The following MYO6 variants were observed in gnomAD, a reference collection of about 807,000 sequenced individuals.
MYO6 encodes the protein unconventional myosin-VI.
MYO6 carries 74 observed loss-of-function variants against 178.7 expected under a neutral mutation model. The ratio of observed to expected loss-of-function variants is 0.41; its 90% CI spans 0.34 to 0.50. The LOEUF (loss-of-function observed/expected upper bound fraction) is 0.50, where lower values mean the gene tolerates loss of function less well. Among genes scored for constraint, MYO6 ranks in the 20% least tolerant of loss-of-function variants. MYO6 has a pLI of 0.09. For missense variants in MYO6, 1,330 were observed against 1,547.4 expected, an observed-to-expected ratio of 0.86 and a Z score of 2.36; for synonymous variants, 477 against 504.6, an observed-to-expected ratio of 0.95 and a Z score of 0.73.
At chr6:75,804,213 T>G (rs1403012482) in intron 1 of MYO6, among the ~76,000 whole-genome samples, 3 of 152,222 alleles carry the variant, frequency 2.0e-5, no homozygotes, top group African/African-American at 7.2e-5. Context: ...ATGATTCAAT[T>G]CCTGAACTTT....
intron 1 of MYO6, among the ~76,000 whole-genome samples, chr6:75,752,661 A>C (rs1242010223): frequency 1.3e-5 from 2 of 152,366 alleles, no homozygotes; most frequent in East Asian, 1.9e-4. Flanking sequence ...ATCCAGGAGT[A>C]GATATGATAG....
At chr6:75,853,108 G>A (rs1485473149) in intron 11 of MYO6, among the ~76,000 whole-genome samples, 3 of 152,122 alleles carry the variant, frequency 2.0e-5, no homozygotes, top group South Asian at 4.1e-4. Context: ...GCATCTTTCT[G>A]TGTGCTTACT....
intron 1 of MYO6, among the ~76,000 whole-genome samples, chr6:75,774,855 C>T (rs1393992347): frequency 1.3e-5 from 2 of 151,802 alleles, no homozygotes; most frequent in African/African-American, 2.4e-5. Flanking sequence ...TGCAATGGCA[C>T]GATCTTGGCT....
intron 20 of MYO6, among the ~76,000 whole-genome samples, chr6:75,875,498 C>G (rs760739210): frequency 6.6e-6 from 1 of 152,224 alleles, no homozygotes; most frequent in South Asian, 2.1e-4. Flanking sequence ...ATGCTGGTCT[C>G]CTGGTCTCAA....
intron 1 of MYO6, among the ~76,000 whole-genome samples, chr6:75,797,158 C>T (rs897788743): frequency 1.3e-5 from 2 of 152,094 alleles, no homozygotes; most frequent in African/African-American, 2.4e-5. Context: ...GGCACAATGT[C>T]GGCTCACTTC....
intron 28 of MYO6, chr6:75,894,805 C>T: frequency 3.3e-6 from 5 of 1,515,556 alleles, no homozygotes; most frequent in Non-Finnish European, 4.4e-6. Flanking sequence ...TTTTAAGTTA[C>T]TTTTCCAGCT....
intron 25 of MYO6, among the ~76,000 whole-genome samples, chr6:75,889,838 T>A (rs1315481016): frequency 6.6e-6 from 1 of 152,244 alleles, no homozygotes; most frequent in Non-Finnish European, 1.5e-5. Flanking sequence ...ACAAACAGTA[T>A]AGTAAAGATA....
chr6:75,801,940 C>CA (rs78453735), intron 1 of MYO6, among the ~76,000 whole-genome samples: 131 of 132,320 alleles, frequency 9.9e-4, no homozygotes, highest in Middle Eastern at 4.2e-3. Context: ...GACTTCATCT[C>CA]AAAAAAAAAA....
intron 5 of MYO6, among the ~76,000 whole-genome samples, chr6:75,832,403 A>G (rs1773191329): frequency 1.3e-5 from 2 of 152,176 alleles, no homozygotes; most frequent in African/African-American, 4.8e-5. Flanking sequence ...AAAAAACCCA[A>G]GTTGCCATTA....
chr6:75,882,432 C>G (rs1778115683), intron 23 of MYO6, among the ~76,000 whole-genome samples: 2 of 152,078 alleles, frequency 1.3e-5, no homozygotes, highest in Non-Finnish European at 2.9e-5. Flanking sequence ...TGATGTCTTT[C>G]AAGATCATGT....
intron 1 of MYO6, among the ~76,000 whole-genome samples, chr6:75,778,692 C>T (rs1039949908): frequency 2.0e-5 from 3 of 151,810 alleles, no homozygotes; most frequent in African/African-American, 7.3e-5. Context: ...AATTATTCTC[C>T]TAATTACTTC....
At chr6:75,886,685 T>G (rs1009597052) in intron 24 of MYO6, among the ~76,000 whole-genome samples, 159 bp from the exon 25 acceptor site, 1 of 152,226 alleles carries the variant, frequency 6.6e-6, no homozygotes, top group African/African-American at 2.4e-5. Context: ...CACACTCATA[T>G]TTGATTTTTT....
chr6:75,789,203 A>G (rs1175102223), intron 1 of MYO6, among the ~76,000 whole-genome samples: 1 of 152,140 alleles, frequency 6.6e-6, no homozygotes, highest in Non-Finnish European at 1.5e-5. Flanking sequence ...CATGAATTCT[A>G]AGGTACACAA....
chr6:75,904,393 A>G (rs1780092946), intron 30 of MYO6, among the ~76,000 whole-genome samples: 1 of 151,312 alleles, frequency 6.6e-6, no homozygotes, highest in Admixed American at 6.6e-5. Flanking sequence ...GTCTTTTCAC[A>G]TAGTCCCATA....
intron 30 of MYO6, among the ~76,000 whole-genome samples, chr6:75,899,935 T>TC (rs1217989695): frequency 7.9e-5 from 11 of 138,902 alleles, no homozygotes; most frequent in African/African-American, 3.0e-4. Flanking sequence ...CCTTCCTGTG[T>TC]CCATGTGTTC....
At chr6:75,859,592 G>T (rs1199813658) in intron 14 of MYO6, among the ~76,000 whole-genome samples, 1 of 151,072 alleles carries the variant, frequency 6.6e-6, no homozygotes, top group African/African-American at 2.4e-5. Flanking sequence ...GAGCCACCGC[G>T]CCTGGCCTGT....
intron 34 of MYO6, 66 bp downstream of exon 34, chr6:75,914,347 C>T: frequency 1.4e-6 from 2 of 1,421,666 alleles, no homozygotes; most frequent in South Asian, 2.3e-5. Context: ...CTGAATGAAA[C>T]ATTCTAATGT....
At chr6:75,893,662 G>A (rs1016991696) in intron 28 of MYO6, among the ~76,000 whole-genome samples, 2 of 152,144 alleles carry the variant, frequency 1.3e-5, no homozygotes, top group African/African-American at 4.8e-5. Context: ...TTTGCCATTG[G>A]GAAAACTGCA....
intron 30 of MYO6, among the ~76,000 whole-genome samples, chr6:75,901,670 A>G (rs573924228): frequency 1.3e-4 from 20 of 152,304 alleles, no homozygotes; most frequent in African/African-American, 4.3e-4. Context: ...TCGTCTGCAA[A>G]CAGGGACAAT....
Sources: gnomAD v4.1 joint callset for allele counts (sites outside exome capture counted in the v4.1 genomes callset) on GRCh38, gnomAD v4.1.1 for gene constraint, MANE v1.5 for transcripts, NCBI Gene and HGNC (gene_info 2026-07-23, HGNC 2026-07-21) for gene names.